The following ZSWIM6 variants were observed in gnomAD, a reference collection of about 807,000 sequenced individuals.
ZSWIM6 encodes zinc finger SWIM-type containing 6, also known as zinc finger SWIM domain-containing protein 6.
Under a neutral mutation model 113.2 loss-of-function variants are expected in ZSWIM6, and 9 were observed. The ratio of observed to expected loss-of-function variants is 0.08; its 90% CI spans 0.05 to 0.14. The LOEUF (loss-of-function observed/expected upper bound fraction) is 0.14. Ranked by LOEUF, ZSWIM6 falls within the 10% of genes least tolerant of loss-of-function variation. ZSWIM6 has a pLI of 1.00. For missense variants in ZSWIM6, 1,162 were observed against 1,552.2 expected (o/e 0.75, Z 4.22); for synonymous variants, 611 against 606.5 (o/e 1.01, Z -0.11).
At chr5:61,463,206 A>C (rs900373107) in intron 1 of ZSWIM6, among the ~76,000 whole-genome samples, 12 of 152,172 alleles carry the variant, frequency 7.9e-5, no homozygotes, top group Non-Finnish European at 1.6e-4. Flanking sequence ...AATAACTATG[A>C]TAGTAACAGC....
chr5:61,541,176 T>C (rs1474316561), intron 12 of ZSWIM6, among the ~76,000 whole-genome samples: 1 of 152,130 alleles, frequency 6.6e-6, no homozygotes, highest in Non-Finnish European at 1.5e-5. Flanking sequence ...ACTCCTGACC[T>C]CGTGATCCAT....
intron 5 of ZSWIM6, among the ~76,000 whole-genome samples, chr5:61,523,141 A>T (rs1749177045): frequency 6.6e-6 from 1 of 152,198 alleles, no homozygotes; most frequent in Non-Finnish European, 1.5e-5. Context: ...CTGTCAGAAG[A>T]GACATGCCTA....
At chr5:61,355,896 GA>G (rs1744897115) in intron 1 of ZSWIM6, among the ~76,000 whole-genome samples, 1 of 152,102 alleles carries the variant, frequency 6.6e-6, no homozygotes, top group African/African-American at 2.4e-5. Flanking sequence ...TGACTACTAG[GA>G]AATTTAAAAT....
intron 1 of ZSWIM6, among the ~76,000 whole-genome samples, chr5:61,369,920 T>C (rs1461211646): frequency 2.0e-5 from 3 of 152,198 alleles, no homozygotes; most frequent in African/African-American, 7.2e-5. Flanking sequence ...TCACTGGACA[T>C]CTGAGATGTC....
At chr5:61,414,233 G>A (rs1049936926) in intron 1 of ZSWIM6, among the ~76,000 whole-genome samples, 1 of 152,140 alleles carries the variant, frequency 6.6e-6, no homozygotes, top group Non-Finnish European at 1.5e-5. Context: ...GGACTAGGGT[G>A]GGGCAGTGAT....
intron 1 of ZSWIM6, among the ~76,000 whole-genome samples, chr5:61,389,637 C>T (rs1745663265): frequency 6.6e-6 from 1 of 150,848 alleles, no homozygotes; most frequent in African/African-American, 2.4e-5. Context: ...GATTCAAGGT[C>T]TAAATGCATT....
At chr5:61,372,260 C>G (rs1745282390) in intron 1 of ZSWIM6, among the ~76,000 whole-genome samples, 1 of 151,668 alleles carries the variant, frequency 6.6e-6, no homozygotes, top group South Asian at 2.1e-4. Context: ...CTGAGCCTTT[C>G]TACCCCATTC....
At chr5:61,486,400 T>C (rs1185037035) in intron 2 of ZSWIM6, among the ~76,000 whole-genome samples, 2 of 145,038 alleles carry the variant, frequency 1.4e-5, no homozygotes, top group Non-Finnish European at 3.0e-5. Flanking sequence ...TGCTGTGATA[T>C]AACGTAGGAG....
At chr5:61,455,790 C>T (rs1360840947) in intron 1 of ZSWIM6, among the ~76,000 whole-genome samples, 1 of 150,826 alleles carries the variant, frequency 6.6e-6, no homozygotes. Flanking sequence ...ATTCCCCGCC[C>T]CGGCCTTCTC....
intron 1 of ZSWIM6, among the ~76,000 whole-genome samples, chr5:61,354,393 T>C (rs1214519848): frequency 6.6e-6 from 1 of 152,244 alleles, no homozygotes; most frequent in Non-Finnish European, 1.5e-5. Context: ...GCTGAAATAC[T>C]GAGTAAGCTC....
intron 1 of ZSWIM6, among the ~76,000 whole-genome samples, chr5:61,457,391 TG>T (rs1747224428): frequency 6.6e-6 from 1 of 152,244 alleles, no homozygotes; most frequent in Non-Finnish European, 1.5e-5. Context: ...GTTTTCATTT[TG>T]TTGTTTTTGT....
intron 1 of ZSWIM6, chr5:61,347,000 T>A (rs1414858238): frequency 2.6e-5 from 4 of 152,314 alleles, no homozygotes. Flanking sequence ...TTCATTAAAA[T>A]TTTTTGTAGT....
At chr5:61,479,921 T>TG (rs1273372527) in intron 2 of ZSWIM6, among the ~76,000 whole-genome samples, 4 of 151,980 alleles carry the variant, frequency 2.6e-5, no homozygotes. Flanking sequence ...ACCAGCTTTT[T>TG]TTTTTTAAGT....
intron 1 of ZSWIM6, among the ~76,000 whole-genome samples, chr5:61,377,418 A>G (rs1745394193): frequency 6.6e-6 from 1 of 152,180 alleles, no homozygotes; most frequent in Admixed American, 6.5e-5. Flanking sequence ...AAGATTCATA[A>G]GTTAGATTGT....
chr5:61,472,662 T>C lies in ZSWIM6; in HGVS notation c.677-19T>C, dbSNP rs1019813136. 61 of 1,461,918 alleles carry C rather than the reference T, an allele frequency of 4.2e-5. No individual in the cohort carries two copies. The highest frequency in any genetic ancestry group is 1.4e-4 in the Admixed American group (6 of 42,254). 90.6% of individuals were successfully genotyped at this position (1,461,918 alleles called of 1,614,324 possible). On this transcript the variant is annotated intron_variant, in intron 1 of 13. Transcript: ENST00000252744. This position sits in a 1 kb window ranked among gnomAD's most constrained non-coding sequence, Gnocchi z 4.1. ...GAATGCAGAAGCTAAACCCTCCCTT[T>C]CTTTCTTTCACCCTCAAGGTTTCCA...
intron 1 of ZSWIM6, among the ~76,000 whole-genome samples, chr5:61,341,374 A>G (rs554664472): frequency 6.6e-6 from 1 of 152,348 alleles, no homozygotes; most frequent in East Asian, 1.9e-4. Flanking sequence ...CGTAAAATGT[A>G]TGTACATCTC....
rs1747589742 is a variant in ZSWIM6 at position 61,472,267 on chromosome 5, G to A, written c.677-414G>A. 6.6e-6 allele frequency among the ~76,000 whole-genome samples: 1 copy of A among 152,090 alleles called. No individual in the cohort carries two copies. Among genetic ancestry groups the A allele is most frequent in the Admixed American group, 6.6e-5 (1 of 15,256 alleles). On this transcript the variant is annotated intron_variant, in intron 1 of 13. Coordinates refer to ENST00000252744, the MANE Select transcript of ZSWIM6 (RefSeq NM_020928.2). The surrounding 1 kb of genome is among the most constrained non-coding windows in gnomAD (Gnocchi z 4.1). ...AGTTTGTTTTTGAGAAGAAAGCTGA[G>A]CTAGGTGACTCTGCTTAAAAAAGGA...
intron 1 of ZSWIM6, among the ~76,000 whole-genome samples, chr5:61,351,302 T>A (rs1212226814): frequency 6.6e-6 from 1 of 152,254 alleles, no homozygotes. Flanking sequence ...ATGTTATTCA[T>A]GTGTAGAATG....
chr5:61,408,728 A>C (rs1232931903), intron 1 of ZSWIM6, among the ~76,000 whole-genome samples: 1 of 152,284 alleles, frequency 6.6e-6, no homozygotes, highest in Non-Finnish European at 1.5e-5. Flanking sequence ...TGCTGAGCTC[A>C]GGAGTCTGGC....
Sources: allele counts gnomAD v4.1 joint callset (sites outside exome capture counted in the v4.1 genomes callset), GRCh38; gene constraint gnomAD v4.1.1; non-coding constraint Gnocchi (gnomAD v3.1); transcripts MANE v1.5; gene names NCBI Gene and HGNC (gene_info 2026-07-23, HGNC 2026-07-21).